The following FAM151B variants were observed in gnomAD, a reference collection of about 807,000 sequenced individuals.
The protein encoded by FAM151B is protein FAM151B.
A neutral mutation model predicts 31.2 loss-of-function variants in FAM151B; 24 were observed. The observed-to-expected ratio is 0.77, with a 90% CI of 0.56 to 1.08. The LOEUF is 1.08. Ranked by LOEUF, FAM151B falls within the 50% of genes least tolerant of loss-of-function variation. The pLI is 0.00. For missense variants in FAM151B, 293 were observed against 328.6 expected (o/e 0.89, Z 0.84); for synonymous variants, 105 against 111.4 (o/e 0.94, Z 0.36).
intron 5 of FAM151B, among the ~76,000 whole-genome samples, chr5:80,525,030 G>A (rs1309519467): frequency 6.6e-6 from 1 of 152,178 alleles, no homozygotes; most frequent in African/African-American, 2.4e-5. Context: ...TTCTGGAGAA[G>A]TAGTTTTGGT....
Position 80,541,725 on chromosome 5 carries a change from T to C in FAM151B, c.724T>C (p.Leu242=). The C allele has an allele frequency of 6.2e-7, 1 of 1,613,698 alleles. No individual in the cohort carries two copies. Among genetic ancestry groups the C allele is most frequent in the South Asian group, 1.1e-5 (1 of 91,058 alleles). The change falls in exon 6 of 6, where the codon TTA becomes CTA. Residue 242 remains leucine, a synonymous_variant. Transcript: ENST00000282226. Reference sequence around the variant, plus strand: ...AAATGATAACTATTCCGTTGAAGATTTACTTTACATTAGAGACCATTTTGA... The same window carrying C: ...AAATGATAACTATTCCGTTGAAGATCTACTTTACATTAGAGACCATTTTGA... The part of the protein sequence containing the change: ...GKNDNYSVED[L]LYIRDHFDKK...
At chr5:80,533,770 AG>A (rs1745359903) in intron 5 of FAM151B, among the ~76,000 whole-genome samples, 1 of 146,380 alleles carries the variant, frequency 6.8e-6, no homozygotes, top group Non-Finnish European at 1.5e-5. Context: ...AAAAAAAAAG[AG>A]CAGAAATAAA....
intron 3 of FAM151B, among the ~76,000 whole-genome samples, chr5:80,516,828 G>T (rs961152431): frequency 6.6e-6 from 1 of 152,214 alleles, no homozygotes; most frequent in Non-Finnish European, 1.5e-5. Context: ...GGCTTGGTCT[G>T]TTATTTCTTG....
chr5:80,505,572 T>G (rs1743922471), intron 2 of FAM151B, among the ~76,000 whole-genome samples: 1 of 151,518 alleles, frequency 6.6e-6, no homozygotes, highest in Admixed American at 6.6e-5. Flanking sequence ...TTTTTTGTAT[T>G]TTTAGTAGAG....
chr5:80,538,755 C>T (rs568496215), intron 5 of FAM151B, among the ~76,000 whole-genome samples: 48 of 151,746 alleles, frequency 3.2e-4, no homozygotes, highest in African/African-American at 1.1e-3. Flanking sequence ...CGCCACCATA[C>T]CCAGCTAATT....
intron 2 of FAM151B, among the ~76,000 whole-genome samples, chr5:80,509,871 C>T (rs1744116059): frequency 6.6e-6 from 1 of 152,202 alleles, no homozygotes; most frequent in Non-Finnish European, 1.5e-5. Flanking sequence ...CCACCAGTTG[C>T]TACAGTGACA....
At chr5:80,508,804 C>A (rs915872350) in intron 2 of FAM151B, among the ~76,000 whole-genome samples, 3 of 152,170 alleles carry the variant, frequency 2.0e-5, no homozygotes, top group Admixed American at 2.0e-4. Flanking sequence ...GTGGACAACA[C>A]CCTTAAGATT....
intron 2 of FAM151B, among the ~76,000 whole-genome samples, chr5:80,511,582 G>C (rs1379307421): frequency 6.0e-5 from 9 of 150,368 alleles, no homozygotes; most frequent in Admixed American, 5.3e-4. Flanking sequence ...TTTCGTTTTT[G>C]CCCACTATTT....
chr5:80,536,901 T>C (rs1745539772), intron 5 of FAM151B, among the ~76,000 whole-genome samples: 1 of 151,822 alleles, frequency 6.6e-6, no homozygotes, highest in African/African-American at 2.4e-5. Flanking sequence ...GAGGCGGGGA[T>C]AGGTAGTGGT....
In FAM151B at chr5:80,517,194, A is replaced by G. The variant is rs553341875; in HGVS notation, c.318-2499A>G. ...ATAACTTTTATTATAGTATATTGCT[A>G]TAATTGTTCTATTTTATTACTAGTT... is the stretch of plus-strand genomic sequence containing the variant. On this transcript the variant is annotated intron_variant, in intron 3 of 5. Transcript: ENST00000282226. 8.5e-5 allele frequency among the ~76,000 whole-genome samples: 13 copies of G among 152,326 alleles called. No individual in the cohort carries two copies. In the South Asian group the frequency reaches 2.7e-3, roughly 32 times the overall value.
chr5:80,504,669 G>A (rs1444905506), intron 2 of FAM151B, among the ~76,000 whole-genome samples: 1 of 151,700 alleles, frequency 6.6e-6, no homozygotes, highest in Admixed American at 6.6e-5. Context: ...ATGGGCATGT[G>A]CCACCATGCC....
chr5:80,499,384 G>A (rs569824759), intron 1 of FAM151B, among the ~76,000 whole-genome samples: 1 of 152,280 alleles, frequency 6.6e-6, no homozygotes, highest in South Asian at 2.1e-4. Flanking sequence ...ACTTATGAAT[G>A]CTAATTCAAG....
chr5:80,498,237 C>T (rs1046411623), intron 1 of FAM151B, among the ~76,000 whole-genome samples: 6 of 152,122 alleles, frequency 3.9e-5, no homozygotes, highest in Non-Finnish European at 5.9e-5. Flanking sequence ...TATGAAAGGT[C>T]TATGACTCTA....
Position 80,542,121 on chromosome 5 carries a change from AT to A in FAM151B, c.*291del, listed in dbSNP as rs1745926700. ...AAATAGTTTTGATAAACTAAAGATGATTGGCAGAATCCATATGTCATAAAAC... is the reference window on the plus strand; with the variant it reads ...AAATAGTTTTGATAAACTAAAGATGATGGCAGAATCCATATGTCATAAAAC... On this transcript the variant is annotated 3_prime_UTR_variant, in exon 6 of 6. Coordinates refer to ENST00000282226, the MANE Select transcript of FAM151B (RefSeq NM_205548.3). 3.4e-6 allele frequency: 1 copy of A among 294,236 alleles called. No homozygotes were observed. The highest frequency in any genetic ancestry group is 2.2e-5 in the African/African-American group (1 of 45,068). 18.2% of individuals were successfully genotyped at this position (294,236 alleles called of 1,614,324 possible). A position where few individuals can be genotyped will look rare whatever the true frequency, so the allele number is the denominator to read the frequency against.
chr5:80,496,014 T>C (rs1309310435), intron 1 of FAM151B, among the ~76,000 whole-genome samples: 1 of 152,224 alleles, frequency 6.6e-6, no homozygotes, highest in African/African-American at 2.4e-5. Context: ...GTGAAGATGC[T>C]GTGAACATTG....
intron 2 of FAM151B, among the ~76,000 whole-genome samples, chr5:80,508,625 G>A (rs1007983372): frequency 3.3e-5 from 5 of 152,114 alleles, no homozygotes; most frequent in African/African-American, 7.2e-5. Context: ...AAATTTGGGA[G>A]CCCACAGACC....
At chr5:80,537,735 G>C (rs1487144299) in intron 5 of FAM151B, among the ~76,000 whole-genome samples, 2 of 152,142 alleles carry the variant, frequency 1.3e-5, no homozygotes, top group Admixed American at 1.3e-4. Flanking sequence ...GAATTCAGGA[G>C]TTTGTTAGAA....
chr5:80,488,167 G>T lies in FAM151B; in HGVS notation c.25+19G>T. On this transcript the variant is annotated intron_variant, in intron 1 of 5. Transcript: ENST00000282226. ...GGCCCAGGTAAGCGCCGAGCGCGCGGCCTCTGCCTGGAGGTGGGGCGCTTT... is the reference window on the plus strand; with the variant it reads ...GGCCCAGGTAAGCGCCGAGCGCGCGTCCTCTGCCTGGAGGTGGGGCGCTTT... 1.3e-6 allele frequency: 2 copies of T among 1,540,304 alleles called. No homozygotes were observed. The highest frequency in any genetic ancestry group is 1.4e-5 in the African/African-American group (1 of 72,460).
rs992732981 is a variant in FAM151B at position 80,489,679 on chromosome 5, C to T, written c.25+1531C>T. Among the ~76,000 whole-genome samples, 38 of 152,342 alleles carry T rather than the reference C, an allele frequency of 2.5e-4. No homozygotes were observed. In the South Asian group the frequency reaches 2.7e-3, roughly 11 times the overall value. ...GTGACTCACGCCCGTAATCCCAGCA[C>T]TTTGGGAGGCCGAGGTGGGCGGATC... On this transcript the variant is annotated intron_variant, in intron 1 of 5. Transcript: ENST00000282226.
Sources: gnomAD v4.1 joint callset for allele counts (sites outside exome capture counted in the v4.1 genomes callset) on GRCh38, gnomAD v4.1.1 for gene constraint, MANE v1.5 for transcripts, NCBI Gene and HGNC (gene_info 2026-07-23, HGNC 2026-07-21) for gene names.